The following DNAH17 variants were observed in gnomAD, a reference collection of about 807,000 sequenced individuals.
The protein encoded by DNAH17 is dynein axonemal heavy chain 17.
Under a neutral mutation model 485.6 loss-of-function variants are expected in DNAH17, and 376 were observed. That is an observed-to-expected ratio of 0.77 (90% CI 0.71 to 0.84). The LOEUF is 0.84. DNAH17 is among the 40% of genes least tolerant of loss of function. The pLI is 0.00. For synonymous variants in DNAH17, 3,031 were observed against 2,405.9 expected (o/e 1.26, Z -7.60); for missense variants, 6,370 against 5,839.3 (o/e 1.09, Z -2.96).
chr17:78,516,251 G>C lies in DNAH17; in HGVS notation c.3865-1229C>G, dbSNP rs116230195. Among the ~76,000 whole-genome samples, 531 of 152,282 alleles carry C rather than the reference G, an allele frequency of 3.5e-3. 1 individual carries two copies. The highest frequency in any genetic ancestry group is 0.012 in the African/African-American group (508 of 41,548). ...TAGTGTGTTTTGGAGAGTTTTTCTT[G>C]AATTATCCTGACTGCAAATGCTGTC... is the stretch of plus-strand genomic sequence containing the variant. On this transcript the variant is annotated intron_variant, in intron 25 of 80. Coordinates refer to ENST00000389840, the MANE Select transcript of DNAH17 (RefSeq NM_173628.4).
chr17:78,461,491 G>A (rs2088124140), intron 58 of DNAH17, 53 bp downstream of exon 58: 2 of 1,467,734 alleles, frequency 1.4e-6, no homozygotes, highest in South Asian at 1.4e-5. Context: ...AGCCCAGGAG[G>A]CCTGGCCAGT....
intron 18 of DNAH17, among the ~76,000 whole-genome samples, chr17:78,539,087 C>T (rs2091454570): frequency 6.6e-6 from 1 of 152,012 alleles, no homozygotes. Flanking sequence ...AAAAATTAGC[C>T]AGGCGTGGTG....
chr17:78,425,380 T>C lies in DNAH17; in HGVS notation c.13107A>G (p.Arg4369=), dbSNP rs1383287243. The C allele has an allele frequency of 3.1e-6, 5 of 1,613,846 alleles. No individual in the cohort carries two copies. The highest frequency in any genetic ancestry group is 4.2e-6 in the Non-Finnish European group (5 of 1,179,898). Residue 4369 remains arginine, a synonymous_variant, in exon 80 of 81, where the codon CGA becomes CGG. Coordinates refer to ENST00000389840, the MANE Select transcript of DNAH17 (RefSeq NM_173628.4). ...AGAGTCCGTACACGTAGGAGCCCTC[T>C]CGCGGAGGAGCGGTCATGTCCTCTC... ...KNREDMTAPP[R]EGSYVYGLFM...
In DNAH17 at chr17:78,450,263, G is replaced by C; in HGVS notation, c.11031C>G (p.Phe3677Leu). ...DLNKINPVYQFSLKAFNVVFE... is the reference protein window; with the variant it reads ...DLNKINPVYQLSLKAFNVVFE... ...CAGCTGCAGGGCGCACCTTGAGGGAGAACTGGTAGACGGGGTTGATTTTGT... is the reference window on the plus strand; with the variant it reads ...CAGCTGCAGGGCGCACCTTGAGGGACAACTGGTAGACGGGGTTGATTTTGT... The change falls in exon 68 of 81, where the codon TTC (phenylalanine) becomes TTG (leucine). Residue 3677 changes from phenylalanine (F) to leucine (L), a missense_variant. Transcript: ENST00000389840. 1.9e-6 allele frequency: 3 copies of C among 1,613,894 alleles called. No individual in the cohort carries two copies. Among genetic ancestry groups the C allele is most frequent in the African/African-American group, 2.7e-5 (2 of 75,076 alleles).
chr17:78,465,184 G>A (rs1302956713), intron 56 of DNAH17, among the ~76,000 whole-genome samples: 3 of 152,204 alleles, frequency 2.0e-5, no homozygotes, highest in African/African-American at 7.2e-5. Context: ...CGCCAGCCTC[G>A]GCCTCCCGAG....
intron 71 of DNAH17, among the ~76,000 whole-genome samples, chr17:78,442,300 T>C (rs1318576504): frequency 2.0e-5 from 3 of 152,220 alleles, no homozygotes; most frequent in Non-Finnish European, 2.9e-5. Context: ...GGCTATTGCC[T>C]GTCCATGCCC....
At chr17:78,470,075 T>TC (rs2088676984) in intron 54 of DNAH17, among the ~76,000 whole-genome samples, 1 of 143,644 alleles carries the variant, frequency 7.0e-6, no homozygotes, top group Non-Finnish European at 1.5e-5. Flanking sequence ...TACTCTTTTT[T>TC]TTTTTTTTTT....
rs61741555 is a variant in DNAH17, at chr17:78,468,731, G to A, written c.8664C>T (p.Asp2888=). The change falls in exon 55 of 81, where the codon GAC becomes GAT. Residue 2888 remains aspartate (D), a synonymous_variant. Coordinates refer to ENST00000389840, the MANE Select transcript of DNAH17 (RefSeq NM_173628.4). ...SGEIPGLFME[D]EVENIISSMR... ...TGGAGGAGATGATGTTCTCCACCTC[G>A]TCCTCCATAAACAGCCCAGGGATCT... is the stretch of plus-strand genomic sequence containing the variant. The A allele has an allele frequency of 4.9e-5, 79 of 1,614,028 alleles. No individual in the cohort carries two copies. In the Middle Eastern group the frequency reaches 1.3e-3, roughly 27 times the overall value.
chr17:78,529,934 G>A (rs551995685), intron 21 of DNAH17, among the ~76,000 whole-genome samples: 3 of 152,270 alleles, frequency 2.0e-5, no homozygotes, highest in South Asian at 2.1e-4. Flanking sequence ...CCCAAGCTAC[G>A]GCCACATCCC....
chr17:78,520,550 T>G (rs1399850328), intron 25 of DNAH17, among the ~76,000 whole-genome samples: 1 of 152,296 alleles, frequency 6.6e-6, no homozygotes, highest in South Asian at 2.1e-4. Flanking sequence ...CACATAAAAA[T>G]TATTCACATT....
At chr17:78,450,019 G>A in intron 68 of DNAH17, 1 of 560,950 alleles carries the variant, frequency 1.8e-6, no homozygotes. Flanking sequence ...GGAGGCACCA[G>A]GGGAAGAGCA....
At chr17:78,443,555 T>G (rs1338490392) in intron 71 of DNAH17, among the ~76,000 whole-genome samples, 1 of 151,856 alleles carries the variant, frequency 6.6e-6, no homozygotes, top group Non-Finnish European at 1.5e-5. Flanking sequence ...CTTTTTATTT[T>G]TATTTTTATT....
intron 14 of DNAH17, among the ~76,000 whole-genome samples, chr17:78,553,842 G>T (rs1197811524): frequency 6.6e-6 from 1 of 152,178 alleles, no homozygotes; most frequent in Non-Finnish European, 1.5e-5. Flanking sequence ...TAAATCCTCA[G>T]TATATAATCA....
chr17:78,480,659 G>A lies in DNAH17; in HGVS notation c.7752+25C>T, dbSNP rs143541765. ...AAGCCTCAGACTCATGGCAGGTGAC[G>A]GGGATGAGTATGGTTTCTGCTTACC... On this transcript the variant is annotated intron_variant, in intron 49 of 80. Transcript: ENST00000389840. 123 of 1,590,974 alleles carry A rather than the reference G, an allele frequency of 7.7e-5. No individual in the cohort carries two copies. The African/African-American group carries it at 9.8e-4, about 13-fold the overall frequency.
At chr17:78,550,275 G>A (rs566843526) in intron 16 of DNAH17, among the ~76,000 whole-genome samples, 47 of 25,794 alleles carry the variant, frequency 1.8e-3, no homozygotes, top group African/African-American at 8.5e-3. Flanking sequence ...TAAAGATAAC[G>A]AAGAACTCTG....
chr17:78,467,227 G>C (rs896374914), intron 55 of DNAH17, among the ~76,000 whole-genome samples: 2 of 152,226 alleles, frequency 1.3e-5, no homozygotes, highest in African/African-American at 4.8e-5. Context: ...GAGTCCCTGG[G>C]ATCCCAGCTG....
chr17:78,511,521 G>A (rs1001887003), intron 26 of DNAH17, among the ~76,000 whole-genome samples: 3 of 152,216 alleles, frequency 2.0e-5, no homozygotes, highest in Non-Finnish European at 4.4e-5. Flanking sequence ...AGCGCTCTGT[G>A]GCAGTGGCCG....
At position 78,450,353 on chromosome 17, in the gene DNAH17, C is replaced by G; in HGVS notation, c.10941G>C (p.Ala3647=). The G allele has an allele frequency of 6.2e-7, 1 of 1,613,986 alleles. No homozygotes were observed. The highest frequency in any genetic ancestry group is 1.3e-5 in the African/African-American group (1 of 75,074). The change falls in exon 68 of 81, where the codon GCG becomes GCC. Residue 3647 remains alanine (A), a synonymous_variant. Coordinates refer to ENST00000389840, the MANE Select transcript of DNAH17 (RefSeq NM_173628.4). Reference sequence around the variant, plus strand: ...CCGCAGCCGGGCGGTAGTTCTCTCTCGCTTCGTTGATTTTAACTTCTGTGA... The same window carrying G: ...CCGCAGCCGGGCGGTAGTTCTCTCTGGCTTCGTTGATTTTAACTTCTGTGA... The part of the protein sequence containing the change: ...AKITEVKINE[A]RENYRPAAER...
In DNAH17 at chr17:78,445,604, AC is replaced by A; in HGVS notation, c.11287del (p.Val3763SerfsTer76). Reference sequence around the variant, plus strand: ...ATGCTGGAGGAAGTCCACTGGTGAGACCACTCCGGCCTTAAAAGGGAACCGC... The same window carrying A: ...ATGCTGGAGGAAGTCCACTGGTGAGACACTCCGGCCTTAAAAGGGAACCGC... ...LLRFPFKAGV[V>X]SPVDFLQHQG... is the part of the protein sequence containing the mutation. On this transcript the variant is annotated frameshift_variant, in exon 70 of 81. Coordinates refer to ENST00000389840, the MANE Select transcript of DNAH17 (RefSeq NM_173628.4). LOFTEE classifies it high-confidence loss of function. The A allele has an allele frequency of 6.4e-7, 1 of 1,564,862 alleles. No homozygotes were observed. Among genetic ancestry groups the A allele is most frequent in the Non-Finnish European group, 8.7e-7 (1 of 1,154,324 alleles).
Sources: allele counts gnomAD v4.1 joint callset (sites outside exome capture counted in the v4.1 genomes callset), GRCh38; gene constraint gnomAD v4.1.1; transcripts MANE v1.5; gene names NCBI Gene and HGNC (gene_info 2026-07-23, HGNC 2026-07-21).